CBLB: variants seen among roughly 807,000 people sequenced by gnomAD.
CBLB encodes E3 ubiquitin-protein ligase CBL-B.
A neutral mutation model predicts 104.9 loss-of-function variants in CBLB; 31 were observed. That is an observed-to-expected ratio of 0.30 (90% CI 0.22 to 0.40). The LOEUF is 0.40. Ranked by LOEUF, CBLB falls within the 10% of genes least tolerant of loss-of-function variation. The pLI is 1.00. For synonymous variants in CBLB, 440 were observed against 422.6 expected (o/e 1.04, Z -0.51); for missense variants, 1,062 against 1,214.6 (o/e 0.87, Z 1.87).
intron 2 of CBLB, 60 bp from the exon 3 acceptor site, chr3:105,853,724 AAGTT>A: frequency 8.4e-7 from 1 of 1,193,062 alleles, no homozygotes; most frequent in Admixed American, 2.1e-5. Context: ...AAAAATTAAA[AAGTT>A]AGAGAACCAT....
chr3:105,800,785 A>C (rs1433180283), intron 3 of CBLB, among the ~76,000 whole-genome samples: 1 of 152,198 alleles, frequency 6.6e-6, no homozygotes, highest in Non-Finnish European at 1.5e-5. Flanking sequence ...AAATACAATT[A>C]TAGTAAATTA....
chr3:105,791,767 G>A (rs920493951), intron 3 of CBLB, among the ~76,000 whole-genome samples: 1 of 152,132 alleles, frequency 6.6e-6, no homozygotes, highest in African/African-American at 2.4e-5. Flanking sequence ...GTACCACATG[G>A]GGATATCTGT....
At chr3:105,822,250 G>C (rs1024170085) in intron 3 of CBLB, among the ~76,000 whole-genome samples, 2 of 152,076 alleles carry the variant, frequency 1.3e-5, no homozygotes, top group African/African-American at 4.8e-5. Context: ...AAATGCAAGA[G>C]GCATAGAAAA....
At chr3:105,671,297 A>T (rs1443162976) in intron 17 of CBLB, 1 of 210,480 alleles carries the variant, frequency 4.8e-6, no homozygotes, top group Non-Finnish European at 9.7e-6. Flanking sequence ...CTTTCCTCTC[A>T]TAGTACTTTT....
intron 4 of CBLB, among the ~76,000 whole-genome samples, chr3:105,771,848 G>C (rs923362793): frequency 5.3e-4 from 81 of 152,152 alleles, no homozygotes; most frequent in African/African-American, 1.7e-3. Context: ...AAGATCTCTA[G>C]AAGGAAAACT....
chr3:105,694,301 CTG>C (rs1353436677), intron 12 of CBLB, among the ~76,000 whole-genome samples: 2 of 151,946 alleles, frequency 1.3e-5, no homozygotes, highest in African/African-American at 4.8e-5. Flanking sequence ...GTCTGAAAAA[CTG>C]TTCGTTTCTC....
chr3:105,859,567 A>G (rs2091920801), intron 2 of CBLB, among the ~76,000 whole-genome samples: 1 of 151,414 alleles, frequency 6.6e-6, no homozygotes, highest in Non-Finnish European at 1.5e-5. Context: ...AGGCAGGAGA[A>G]TGGCGTGAAC....
intron 10 of CBLB, among the ~76,000 whole-genome samples, chr3:105,715,729 G>A (rs2071757565): frequency 6.6e-6 from 1 of 152,138 alleles, no homozygotes; most frequent in Non-Finnish European, 1.5e-5. Flanking sequence ...AGAATAAAAT[G>A]TTTTAAAAAT....
intron 3 of CBLB, among the ~76,000 whole-genome samples, chr3:105,829,017 C>A (rs988567504): frequency 3.3e-5 from 5 of 151,496 alleles, no homozygotes; most frequent in Non-Finnish European, 5.9e-5. Context: ...TGCCACAATT[C>A]TTTTTAAGTT....
At position 105,853,236 on chromosome 3, in the gene CBLB, G is replaced by A. The variant is rs572300201; in HGVS notation, c.419+178C>T. On this transcript the variant is annotated intron_variant, in intron 3 of 18. Transcript: ENST00000394030. ...CACTCTATCATGTCCACACAACAAT[G>A]AAATTGTCTAAAAATGCATTTCTTG... Among the ~76,000 whole-genome samples, 6 of 152,170 alleles carry A rather than the reference G, an allele frequency of 3.9e-5. No homozygotes were observed. The South Asian group carries it at 1.2e-3, about 32-fold the overall frequency.
At chr3:105,734,430 T>C (rs1412779857) in intron 8 of CBLB, among the ~76,000 whole-genome samples, 1 of 152,214 alleles carries the variant, frequency 6.6e-6, no homozygotes, top group Non-Finnish European at 1.5e-5. Flanking sequence ...TCAATAGTCA[T>C]GGTGACTCAA....
chr3:105,726,001 G>A lies in CBLB; in HGVS notation c.1204-5751C>T, dbSNP rs541565257. ...CAAGCTGCTGGGATTACAGGCTCCCGCCACCACGCCCAGTTATTTGGTATT... is the reference window on the plus strand; with the variant it reads ...CAAGCTGCTGGGATTACAGGCTCCCACCACCACGCCCAGTTATTTGGTATT... On this transcript the variant is annotated intron_variant, in intron 9 of 18. Transcript: ENST00000394030. Among the ~76,000 whole-genome samples, 4 of 152,100 alleles carry A rather than the reference G, an allele frequency of 2.6e-5. No homozygotes were observed. The Middle Eastern group carries it at 0.01, about 388-fold the overall frequency.
At position 105,704,019 on chromosome 3, in the gene CBLB, G is replaced by A; in HGVS notation, c.1562C>T (p.Ser521Phe). The A allele has an allele frequency of 6.2e-7, 1 of 1,614,152 alleles. No homozygotes were observed. The highest frequency in any genetic ancestry group is 8.5e-7 in the Non-Finnish European group (1 of 1,179,992). The change falls in exon 11 of 19, where the codon TCT becomes TTT. Residue 521 changes from serine (S) to phenylalanine (F), a missense_variant. Ser to Phe is a radical substitution (Grantham distance 155). Coordinates refer to ENST00000394030, the MANE Select transcript of CBLB (RefSeq NM_170662.5). ...TGAACCCGTTGGGCTGCCACAGGGAGATCTAACTATGCCTTTCTGAATTAG... is the reference window on the plus strand; with the variant it reads ...TGAACCCGTTGGGCTGCCACAGGGAAATCTAACTATGCCTTTCTGAATTAG... Reference protein sequence around the residue: ...LDLIQKGIVRSPCGSPTGSPK... With the variant: ...LDLIQKGIVRFPCGSPTGSPK...
chr3:105,857,937 A>T (rs1170009619), intron 2 of CBLB, among the ~76,000 whole-genome samples: 1 of 152,214 alleles, frequency 6.6e-6, no homozygotes, highest in African/African-American at 2.4e-5. Flanking sequence ...TAAGAGTGTC[A>T]GGAAATACAT....
At chr3:105,719,922 G>C (rs1446384890) in intron 10 of CBLB, 125 bp downstream of exon 10, 3 of 749,760 alleles carry the variant, frequency 4.0e-6, no homozygotes, top group Non-Finnish European at 7.0e-6. Context: ...TACAGGCCTA[G>C]GCTAGTATGT....
chr3:105,827,489 T>A lies in CBLB; in HGVS notation c.419+25925A>T, dbSNP rs563504416. Among the ~76,000 whole-genome samples, 4 of 148,948 alleles carry A rather than the reference T, an allele frequency of 2.7e-5. No individual in the cohort carries two copies. In the East Asian group the frequency reaches 7.9e-4, roughly 29 times the overall value. ...AGCAAGTAACTGAATTTTACCAGTG[T>A]GTATGTGTGTGTGTGTGTGTTCAGA... is the stretch of plus-strand genomic sequence containing the variant. On this transcript the variant is annotated intron_variant, in intron 3 of 18. Transcript: ENST00000394030.
chr3:105,869,234 G>A, upstream of CBLB: 1 of 658,430 alleles, frequency 1.5e-6, no homozygotes, highest in Non-Finnish European at 2.6e-6. Flanking sequence ...CGTCAGAAAG[G>A]AATTGGACTC....
chr3:105,779,205 G>A (rs1039711072), intron 3 of CBLB, among the ~76,000 whole-genome samples: 2 of 152,186 alleles, frequency 1.3e-5, no homozygotes, highest in African/African-American at 4.8e-5. Context: ...CACAACGCCA[G>A]TGATTACCCA....
intron 17 of CBLB, chr3:105,671,495 T>C: frequency 4.7e-6 from 1 of 214,552 alleles, no homozygotes; most frequent in Non-Finnish European, 9.4e-6. Flanking sequence ...AAATTCAGAT[T>C]GTTCACAATT....
Sources: gnomAD v4.1 joint callset for allele counts (sites outside exome capture counted in the v4.1 genomes callset) on GRCh38, gnomAD v4.1.1 for gene constraint, MANE v1.5 for transcripts, NCBI Gene and HGNC (gene_info 2026-07-23, HGNC 2026-07-21) for gene names.